Variants in HSD17B12 observed in about 807,000 individuals in gnomAD.
HSD17B12 encodes the protein very-long-chain 3-oxoacyl-CoA reductase.
HSD17B12 carries 32 observed loss-of-function variants against 39.3 expected under a neutral mutation model. The observed-to-expected ratio is 0.81, with a 90% CI of 0.61 to 1.09. The LOEUF is 1.09. HSD17B12 is among the 50% of genes least tolerant of loss of function. The pLI is 0.00. For missense variants in HSD17B12, 342 were observed against 382.9 expected, an observed-to-expected ratio of 0.89 and a Z score of 0.89; for synonymous variants, 150 against 146.7, an observed-to-expected ratio of 1.02 and a Z score of -0.16.
intron 1 of HSD17B12, among the ~76,000 whole-genome samples, chr11:43,711,786 G>A (rs989901661): frequency 1.3e-5 from 2 of 152,054 alleles, no homozygotes; most frequent in African/African-American, 2.4e-5. Context: ...ACAGTGTGAT[G>A]TATTAATTTG....
Position 43,854,695 on chromosome 11 carries a change from G to C in HSD17B12, c.685-20G>C, listed in dbSNP as rs1339315134. On this transcript the variant is annotated intron_variant, in intron 9 of 10. Coordinates refer to ENST00000278353, the MANE Select transcript of HSD17B12 (RefSeq NM_016142.3). The stretch of plus-strand genomic sequence containing the variant: ...TACTAATCAATGGCATGTTTTCTGG[G>C]GTGGGTGTTCCCTTTCTAGAGTGTC... 1.9e-6 allele frequency: 3 copies of C among 1,612,304 alleles called. No individual in the cohort carries two copies. In the South Asian group the frequency reaches 3.3e-5, roughly 18 times the overall value.
the HSD17B12 span, among the ~76,000 whole-genome samples, chr11:43,625,481 A>C: frequency 6.6e-6 from 1 of 151,458 alleles, no homozygotes; most frequent in African/African-American, 2.4e-5. Context: ...ATTATTAACA[A>C]ATATAATTTG....
At chr11:43,763,585 C>CTT (rs1299979217) in intron 3 of HSD17B12, among the ~76,000 whole-genome samples, 4 of 134,116 alleles carry the variant, frequency 3.0e-5, no homozygotes, top group Non-Finnish European at 4.9e-5. Flanking sequence ...ATTTTATACC[C>CTT]TTATATATAT....
chr11:43,619,532 G>A, the HSD17B12 span, among the ~76,000 whole-genome samples: 3 of 151,540 alleles, frequency 2.0e-5, no homozygotes, highest in African/African-American at 7.3e-5. Flanking sequence ...GGGGATTACA[G>A]GCACCTGACA....
intron 1 of HSD17B12, among the ~76,000 whole-genome samples, chr11:43,743,443 G>A (rs1950386426): frequency 6.6e-6 from 1 of 152,112 alleles, no homozygotes; most frequent in African/African-American, 2.4e-5. Context: ...GCCACCATTG[G>A]GAAACAAGCA....
chr11:43,780,985 G>A (rs1247987272), intron 3 of HSD17B12, among the ~76,000 whole-genome samples: 1 of 152,182 alleles, frequency 6.6e-6, no homozygotes, highest in Non-Finnish European at 1.5e-5. Flanking sequence ...GGGCATATGT[G>A]CATGCAGACT....
At chr11:43,667,582 T>G in the HSD17B12 span, among the ~76,000 whole-genome samples, 1 of 152,236 alleles carries the variant, frequency 6.6e-6, no homozygotes, top group Non-Finnish European at 1.5e-5. Context: ...ACCAGAAGTG[T>G]TGCATATTTT....
intron 4 of HSD17B12, among the ~76,000 whole-genome samples, chr11:43,810,458 A>T (rs1951062139): frequency 6.6e-6 from 1 of 150,760 alleles, no homozygotes; most frequent in Non-Finnish European, 1.5e-5. Flanking sequence ...ACACATAATG[A>T]TATTAGTGTT....
chr11:43,829,455 A>G (rs1951285532), intron 6 of HSD17B12, among the ~76,000 whole-genome samples: 1 of 152,184 alleles, frequency 6.6e-6, no homozygotes, highest in Admixed American at 6.5e-5. Flanking sequence ...ATGATTTTCT[A>G]GATAATTTTT....
At chr11:43,593,585 C>T in the HSD17B12 span, among the ~76,000 whole-genome samples, 118 of 152,224 alleles carry the variant, frequency 7.8e-4, no homozygotes, top group South Asian at 0.024. Flanking sequence ...TCTCAAGCTT[C>T]TAAATCCTGT....
intron 3 of HSD17B12, among the ~76,000 whole-genome samples, chr11:43,791,420 T>C (rs1014326248): frequency 4.6e-5 from 7 of 151,890 alleles, no homozygotes; most frequent in African/African-American, 1.5e-4. Context: ...TAATCCCAGC[T>C]ACTTGGGAGG....
chr11:43,824,541 C>G (rs1004327240), intron 6 of HSD17B12, among the ~76,000 whole-genome samples: 4 of 152,164 alleles, frequency 2.6e-5, no homozygotes, highest in African/African-American at 4.8e-5. Context: ...TTGCCATGTC[C>G]TCATGTGGCA....
chr11:43,709,608 T>A (rs1034754834), intron 1 of HSD17B12, among the ~76,000 whole-genome samples: 3 of 152,212 alleles, frequency 2.0e-5, no homozygotes, highest in African/African-American at 7.2e-5. Flanking sequence ...AGGTGAGTAA[T>A]TGGATTTTTT....
the HSD17B12 span, among the ~76,000 whole-genome samples, chr11:43,611,537 G>T: frequency 8.5e-5 from 13 of 152,200 alleles, no homozygotes; most frequent in African/African-American, 2.9e-4. Flanking sequence ...GTTTAGCAGA[G>T]CTGCTGGATT....
At chr11:43,711,602 G>T (rs1356136990) in intron 1 of HSD17B12, among the ~76,000 whole-genome samples, 3 of 151,282 alleles carry the variant, frequency 2.0e-5, no homozygotes, top group African/African-American at 7.3e-5. Flanking sequence ...AGCCTCCCAA[G>T]TAGCTGCAGC....
At chr11:43,610,753 C>T in the HSD17B12 span, among the ~76,000 whole-genome samples, 1 of 152,068 alleles carries the variant, frequency 6.6e-6, no homozygotes, top group South Asian at 2.1e-4. Context: ...TTAATGCCCC[C>T]CAAAAATGGC....
At chr11:43,810,981 G>A (rs1951068299) in intron 4 of HSD17B12, among the ~76,000 whole-genome samples, 1 of 152,114 alleles carries the variant, frequency 6.6e-6, no homozygotes, top group African/African-American at 2.4e-5. Context: ...TGTTTGGTTT[G>A]GCGAATCCTA....
At chr11:43,621,280 G>A in the HSD17B12 span, among the ~76,000 whole-genome samples, 2 of 152,116 alleles carry the variant, frequency 1.3e-5, no homozygotes, top group African/African-American at 2.4e-5. Flanking sequence ...ATAAATAAGA[G>A]GTAGATCAAG....
chr11:43,815,482 A>T lies in HSD17B12; in HGVS notation c.437A>T (p.Asp146Val). Residue 146 changes from aspartate (D) to valine (V), a missense_variant, in exon 5 of 11, where the codon GAT becomes GTT. Coordinates refer to ENST00000278353, the MANE Select transcript of HSD17B12 (RefSeq NM_016142.3). ...MSYEYPEYFL[D>V]VPDLDNVIKK... ...TATGAGTATCCTGAATACTTTTTGG[A>T]TGTTCCTGACTTGGACAATGTAAGT... The T allele has an allele frequency of 6.3e-7, 1 of 1,579,066 alleles. No homozygotes were observed. The highest frequency in any genetic ancestry group is 8.7e-7 in the Non-Finnish European group (1 of 1,155,732).
Sources: allele counts gnomAD v4.1 joint callset (sites outside exome capture counted in the v4.1 genomes callset), GRCh38; gene constraint gnomAD v4.1.1; transcripts MANE v1.5; gene names NCBI Gene and HGNC (gene_info 2026-07-23, HGNC 2026-07-21).